The following CRLF3 variants were observed in gnomAD, a reference collection of about 807,000 sequenced individuals.
The protein encoded by CRLF3 is cytokine receptor like factor 3, also known as cytokine receptor-like factor 3.
A neutral mutation model predicts 55.0 loss-of-function variants in CRLF3; 33 were observed. That is an observed-to-expected ratio of 0.60 (90% CI 0.46 to 0.80). CRLF3 has a LOEUF of 0.80. CRLF3 is among the 30% of genes least tolerant of loss of function. The pLI is 0.00. For missense variants in CRLF3, 494 were observed against 538.4 expected (o/e 0.92, Z 0.82); for synonymous variants, 238 against 196.8 (o/e 1.21, Z -1.75).
chr17:30,814,107 A>G (rs971584453), intron 1 of CRLF3, among the ~76,000 whole-genome samples: 1 of 151,952 alleles, frequency 6.6e-6, no homozygotes, highest in African/African-American at 2.4e-5. Context: ...AAATACTAAA[A>G]TTAGCTGGCC....
rs573704505 is a variant in CRLF3 at position 30,797,776 on chromosome 17, T to G, written c.338-378A>C. On this transcript the variant is annotated intron_variant, in intron 2 of 7. Coordinates refer to ENST00000324238, the MANE Select transcript of CRLF3 (RefSeq NM_015986.4). ...GAGAGGTGCAACAGGGGATAGGGTGTTTTTTTTTTTTTTTTTGAGACTGGG... is the reference window on the plus strand; with the variant it reads ...GAGAGGTGCAACAGGGGATAGGGTGGTTTTTTTTTTTTTTTTGAGACTGGG... Among the ~76,000 whole-genome samples the G allele has an allele frequency of 2.9e-3, 224 of 77,672 alleles. 1 individual carries two copies. The highest frequency in any genetic ancestry group is 4.3e-3 in the Non-Finnish European group (175 of 40,320). 51.0% of individuals were successfully genotyped at this position (77,672 alleles called of 152,430 possible). A position where few individuals can be genotyped will look rare whatever the true frequency, so the allele number is the denominator to read the frequency against.
chr17:30,803,180 T>A (rs1430929811), intron 2 of CRLF3, among the ~76,000 whole-genome samples: 7 of 151,094 alleles, frequency 4.6e-5, no homozygotes, highest in African/African-American at 1.7e-4. Flanking sequence ...AAAAAATATA[T>A]ATATATATAT....
At chr17:30,788,581 ATAAC>A (rs1450685826) in intron 6 of CRLF3, among the ~76,000 whole-genome samples, 2 of 149,832 alleles carry the variant, frequency 1.3e-5, no homozygotes. Context: ...ACTGGGATAA[ATAAC>A]AAAGTAGTGC....
intron 1 of CRLF3, among the ~76,000 whole-genome samples, chr17:30,824,151 C>T (rs1453650325): frequency 2.0e-5 from 3 of 151,914 alleles, no homozygotes; most frequent in Non-Finnish European, 2.9e-5. Context: ...ATCAATGCCT[C>T]CCCGCCTACC....
At chr17:30,812,731 G>A (rs1177867662) in intron 1 of CRLF3, among the ~76,000 whole-genome samples, 2 of 152,112 alleles carry the variant, frequency 1.3e-5, no homozygotes, top group Non-Finnish European at 2.9e-5. Context: ...CACAGCAATA[G>A]AGTGAAACTG....
At chr17:30,818,170 G>A (rs1388958514) in intron 1 of CRLF3, among the ~76,000 whole-genome samples, 1 of 151,826 alleles carries the variant, frequency 6.6e-6, no homozygotes, top group Non-Finnish European at 1.5e-5. Flanking sequence ...TGAGGCAAGA[G>A]AATTGCTTGA....
In CRLF3 at chr17:30,793,436, G is replaced by T. The variant is rs536747512; in HGVS notation, c.826+14C>A. On this transcript the variant is annotated intron_variant, in intron 5 of 7. Coordinates refer to ENST00000324238, the MANE Select transcript of CRLF3 (RefSeq NM_015986.4). Reference sequence around the variant, plus strand: ...TATAGTTAGGCTTCAGGAGAGAAAAGGTTAGCAGCATACCATGAGGCACCA... The same window carrying T: ...TATAGTTAGGCTTCAGGAGAGAAAATGTTAGCAGCATACCATGAGGCACCA... 3 of 1,602,592 alleles carry T rather than the reference G, an allele frequency of 1.9e-6. No homozygotes were observed. The highest frequency in any genetic ancestry group is 2.7e-5 in the African/African-American group (2 of 74,812).
At chr17:30,817,021 A>AC (rs749993263) in intron 1 of CRLF3, among the ~76,000 whole-genome samples, 1 of 151,992 alleles carries the variant, frequency 6.6e-6, no homozygotes, top group Non-Finnish European at 1.5e-5. Flanking sequence ...TTTTATTTTT[A>AC]CCCCCCTTAT....
intron 2 of CRLF3, among the ~76,000 whole-genome samples, chr17:30,802,918 A>G (rs1567664412): frequency 6.6e-6 from 1 of 151,990 alleles, no homozygotes; most frequent in Non-Finnish European, 1.5e-5. Flanking sequence ...TAATCCCAGC[A>G]CTTTGGGAGG....
intron 6 of CRLF3, among the ~76,000 whole-genome samples, chr17:30,787,128 C>T (rs1365356254): frequency 2.6e-5 from 4 of 152,200 alleles, no homozygotes; most frequent in Non-Finnish European, 5.9e-5. Flanking sequence ...AGCCACCGTG[C>T]CCGGCCTAGA....
chr17:30,818,810 T>C (rs1904892596), intron 1 of CRLF3, among the ~76,000 whole-genome samples: 1 of 148,716 alleles, frequency 6.7e-6, no homozygotes, highest in African/African-American at 2.5e-5. Flanking sequence ...TTTTTTGAAA[T>C]AACTTTTGAG....
At position 30,792,577 on chromosome 17, in the gene CRLF3, T is replaced by A; in HGVS notation, c.827-5A>T. On this transcript the variant is annotated splice_region_variant and splice_polypyrimidine_tract_variant and intron_variant, in intron 5 of 7. Coordinates refer to ENST00000324238, the MANE Select transcript of CRLF3 (RefSeq NM_015986.4). ...CCTCAAAACCAGCTGTCCACTCTTT[T>A]TCAAAGCAAAGATATTGAAAACTGT... 6.3e-7 allele frequency: 1 copy of A among 1,590,490 alleles called. No homozygotes were observed. The highest frequency in any genetic ancestry group is 2.3e-5 in the East Asian group (1 of 44,232).
intron 4 of CRLF3, 146 bp downstream of exon 4, chr17:30,796,014 T>C: frequency 2.1e-6 from 1 of 470,388 alleles, no homozygotes; most frequent in Non-Finnish European, 3.7e-6. Flanking sequence ...GTGTTCCATG[T>C]GACTTCATTT....
chr17:30,792,822 G>C, intron 5 of CRLF3: 1 of 203,930 alleles, frequency 4.9e-6, no homozygotes, highest in Non-Finnish European at 8.2e-6. Flanking sequence ...TAAAATCATT[G>C]TACAAGCATA....
At chr17:30,792,765 G>C in intron 5 of CRLF3, 193 bp from the exon 6 acceptor site, 1 of 465,586 alleles carries the variant, frequency 2.1e-6, no homozygotes, top group East Asian at 2.9e-5. Context: ...GTATATTCCT[G>C]CATAATTTTG....
intron 1 of CRLF3, among the ~76,000 whole-genome samples, chr17:30,823,372 A>C (rs893221752): frequency 5.3e-5 from 8 of 151,858 alleles, no homozygotes; most frequent in East Asian, 1.9e-4. Flanking sequence ...CTCAAAAAAA[A>C]CAGATTATAT....
At chr17:30,814,072 C>A (rs1459178908) in intron 1 of CRLF3, among the ~76,000 whole-genome samples, 1 of 151,810 alleles carries the variant, frequency 6.6e-6, no homozygotes, top group African/African-American at 2.4e-5. Context: ...GCCTGGCCAA[C>A]ACAGTGAAAC....
chr17:30,820,990 G>C (rs942817657), intron 1 of CRLF3, among the ~76,000 whole-genome samples: 1 of 151,850 alleles, frequency 6.6e-6, no homozygotes, highest in Non-Finnish European at 1.5e-5. Context: ...AGGAAGTCGA[G>C]GCTGCAGTGA....
chr17:30,793,106 C>T (rs983190775), intron 5 of CRLF3, among the ~76,000 whole-genome samples: 4 of 151,382 alleles, frequency 2.6e-5, no homozygotes. Context: ...CACCACACAC[C>T]AGCCTGGGCG....
Sources: gnomAD v4.1 joint callset for allele counts (sites outside exome capture counted in the v4.1 genomes callset) on GRCh38, gnomAD v4.1.1 for gene constraint, MANE v1.5 for transcripts, NCBI Gene and HGNC (gene_info 2026-07-23, HGNC 2026-07-21) for gene names.